The following SMC2 variants were observed in gnomAD, a reference collection of about 807,000 sequenced individuals.
The protein encoded by SMC2 is structural maintenance of chromosomes 2, also known as structural maintenance of chromosomes protein 2.
SMC2 carries 41 observed loss-of-function variants against 142.6 expected under a neutral mutation model. That is an observed-to-expected ratio of 0.29 (90% confidence interval 0.22 to 0.37). The LOEUF is 0.37. Among genes scored for constraint, SMC2 ranks in the 10% least tolerant of loss-of-function variants. The probability of loss-of-function intolerance (pLI) is 1.00; values close to 1 mark genes in which losing one functional copy is unlikely to be tolerated. For synonymous variants in SMC2, 463 were observed against 457.5 expected, an observed-to-expected ratio of 1.01 and a Z score of -0.15; for missense variants, 1,265 against 1,373.7, an observed-to-expected ratio of 0.92 and a Z score of 1.25.
At chr9:104,120,183 T>G (rs372468207) in intron 16 of SMC2, 21 bp downstream of exon 16, 671 of 1,560,748 alleles carry the variant, frequency 4.3e-4, no homozygotes, top group Non-Finnish European at 5.5e-4. Flanking sequence ...CATATACTTT[T>G]TTTAATTAAA....
At chr9:104,115,746 A>AGAG (rs1833029681) in intron 13 of SMC2, among the ~76,000 whole-genome samples, 1 of 149,752 alleles carries the variant, frequency 6.7e-6, no homozygotes. Context: ...TTTTCAGTAT[A>AGAG]TAGTATTAAT....
At chr9:104,135,871 A>G (rs771949354) in intron 23 of SMC2, 5 of 518,734 alleles carry the variant, frequency 9.6e-6, no homozygotes, top group African/African-American at 9.6e-5. Context: ...TTTTCAGACA[A>G]AAACAGCAGA....
At chr9:104,109,603 G>A (rs562276672) in intron 9 of SMC2, among the ~76,000 whole-genome samples, 85 of 152,276 alleles carry the variant, frequency 5.6e-4, no homozygotes, top group African/African-American at 2.0e-3. Context: ...CGCGTATGCT[G>A]TATGACGCTG....
intron 14 of SMC2, among the ~76,000 whole-genome samples, chr9:104,117,313 A>ATGGT (rs1458672520): frequency 2.0e-5 from 3 of 152,184 alleles, no homozygotes; most frequent in African/African-American, 7.2e-5. Flanking sequence ...AACCTATTTG[A>ATGGT]TGGTAGCTGC....
At chr9:104,114,632 A>C in intron 12 of SMC2, 59 bp from the exon 13 acceptor site, 1 of 1,445,786 alleles carries the variant, frequency 6.9e-7, no homozygotes, top group Non-Finnish European at 9.5e-7. Context: ...TGATGAGTAA[A>C]GTATAACTTT....
intron 9 of SMC2, among the ~76,000 whole-genome samples, chr9:104,108,381 C>T (rs1275704639): frequency 6.6e-6 from 1 of 152,186 alleles, no homozygotes; most frequent in Non-Finnish European, 1.5e-5. Context: ...ACAAACACTT[C>T]AGCCAGGCTG....
At chr9:104,134,616 T>G in intron 23 of SMC2, 41 bp downstream of exon 23, 1 of 867,502 alleles carries the variant, frequency 1.2e-6, no homozygotes, top group South Asian at 2.0e-5. Context: ...TCATTCCTCT[T>G]TATTATAATT....
chr9:104,134,371 G>GGAAAGCATCCTGATGTTTTAACTTTTTTA, intron 22 of SMC2, 44 bp from the exon 23 acceptor site: 1 of 1,455,746 alleles, frequency 6.9e-7, no homozygotes, highest in African/African-American at 1.4e-5. Context: ...GATTCTTCTT[G>GGAAAGCATCCTGATGTTTTAACTTTTTTA]GAAAGCATCC....
intron 9 of SMC2, among the ~76,000 whole-genome samples, chr9:104,105,751 C>T (rs150148100): frequency 1.9e-4 from 29 of 152,246 alleles, no homozygotes; most frequent in African/African-American, 7.0e-4. Flanking sequence ...TACACTGTGA[C>T]ATTAGGAATG....
intron 7 of SMC2, among the ~76,000 whole-genome samples, chr9:104,101,721 C>G (rs1004629505): frequency 2.0e-5 from 3 of 152,102 alleles, no homozygotes; most frequent in Admixed American, 6.6e-5. Context: ...TTGTTAAGCT[C>G]AACTACCCAA....
At chr9:104,126,128 C>T (rs555936489) in intron 18 of SMC2, among the ~76,000 whole-genome samples, 4 of 152,130 alleles carry the variant, frequency 2.6e-5, no homozygotes, top group East Asian at 1.9e-4. Context: ...GAATCTAATG[C>T]GTGATGATCT....
chr9:104,105,576 G>A (rs1024153588), intron 9 of SMC2, among the ~76,000 whole-genome samples: 5 of 152,170 alleles, frequency 3.3e-5, no homozygotes, highest in African/African-American at 1.2e-4. Context: ...GCTTGCAGCA[G>A]TTGATTCTCT....
intron 9 of SMC2, 123 bp downstream of exon 9, chr9:104,102,696 G>T: frequency 9.7e-7 from 1 of 1,028,728 alleles, no homozygotes; most frequent in Non-Finnish European, 1.3e-6. Context: ...CAGTTGTTTG[G>T]GCTGTGGTTA....
At chr9:104,137,386 A>G (rs980142422) in intron 23 of SMC2, among the ~76,000 whole-genome samples, 3 of 152,166 alleles carry the variant, frequency 2.0e-5, no homozygotes, top group African/African-American at 7.2e-5. Context: ...AGTAAGCTAA[A>G]AGAGAACTGA....
At chr9:104,117,820 G>C (rs1046822672) in intron 14 of SMC2, among the ~76,000 whole-genome samples, 1 of 152,134 alleles carries the variant, frequency 6.6e-6, no homozygotes, top group African/African-American at 2.4e-5. Context: ...AAGCATTTAG[G>C]ATAAAGGATA....
At position 104,100,444 on chromosome 9, in the gene SMC2, T is replaced by C. The variant is rs1279327904; in HGVS notation, c.636+11T>C. 6.9e-7 allele frequency: 1 copy of C among 1,440,778 alleles called. No homozygotes were observed. 89.2% of individuals were successfully genotyped at this position (1,440,778 alleles called of 1,614,324 possible). A position where few individuals can be genotyped will look rare whatever the true frequency, so the allele number is the denominator to read the frequency against. ...CAAAAATTAAAAGAGGTATATTCTG[T>C]ATATGTGAGGATAATCTATTAGAAT... is the stretch of plus-strand genomic sequence containing the variant. On this transcript the variant is annotated intron_variant, in intron 7 of 24. Transcript: ENST00000374793.
At chr9:104,097,144 C>CTTTTTT (rs1830531375) in intron 3 of SMC2, among the ~76,000 whole-genome samples, 1 of 85,194 alleles carries the variant, frequency 1.2e-5, no homozygotes. Flanking sequence ...TTTTTTTTTC[C>CTTTTTT]TGAGACGGAG....
upstream of SMC2, among the ~76,000 whole-genome samples, chr9:104,090,954 T>G (rs1168421575): frequency 6.6e-6 from 1 of 152,172 alleles, no homozygotes; most frequent in Non-Finnish European, 1.5e-5. Flanking sequence ...AACATGTATT[T>G]TAGAAAACAA....
Position 104,103,602 on chromosome 9 carries a change from T to C in SMC2, c.1020+1029T>C, listed in dbSNP as rs368767642. On this transcript the variant is annotated intron_variant, in intron 9 of 24. Transcript: ENST00000374793. ...CTTCGCGAGAACTAGGAATAGGTCA[T>C]CCATGGTAACAGAAGAGTCAAGTAT... Among the ~76,000 whole-genome samples the C allele has an allele frequency of 1.8e-4, 27 of 152,328 alleles. No homozygotes were observed. In the East Asian group the frequency reaches 4.6e-3, roughly 26 times the overall value.
Sources: gnomAD v4.1 joint callset for allele counts (sites outside exome capture counted in the v4.1 genomes callset) on GRCh38, gnomAD v4.1.1 for gene constraint, MANE v1.5 for transcripts, NCBI Gene and HGNC (gene_info 2026-07-23, HGNC 2026-07-21) for gene names.